Variants in NRXN2 observed in about 807,000 individuals in gnomAD.
NRXN2 encodes neurexin-2-beta.
NRXN2 carries 29 observed loss-of-function variants against 128.8 expected under a neutral mutation model. That is an observed-to-expected ratio of 0.23 (90% CI 0.17 to 0.31). The LOEUF (loss-of-function observed/expected upper bound fraction) is 0.31, where lower values mean the gene tolerates loss of function less well. Ranked by LOEUF, NRXN2 falls within the 10% of genes least tolerant of loss-of-function variation. The pLI is 1.00. For synonymous variants in NRXN2, 1,098 were observed against 1,075.2 expected (o/e 1.02, Z -0.41); for missense variants, 1,881 against 2,452.6 (o/e 0.77, Z 4.92).
At chr11:64,672,768 G>C (rs1375301781) in intron 7 of NRXN2, among the ~76,000 whole-genome samples, 1 of 152,100 alleles carries the variant, frequency 6.6e-6, no homozygotes, top group African/African-American at 2.4e-5. Flanking sequence ...TCCTGCTAAG[G>C]GTTTGGGTTA....
intron 21 of NRXN2, among the ~76,000 whole-genome samples, chr11:64,621,353 G>A (rs1166997230): frequency 1.3e-5 from 2 of 152,064 alleles, no homozygotes; most frequent in African/African-American, 2.4e-5. Context: ...ACAGCCCCTC[G>A]TCCCCTATGA....
In NRXN2 at chr11:64,607,003, C is replaced by CCGCGCAGTGGACGGCA; in HGVS notation, c.*177_*192dup. The CCGCGCAGTGGACGGCA allele has an allele frequency of 1.6e-6, 1 of 623,874 alleles. No homozygotes were observed. Among genetic ancestry groups the CCGCGCAGTGGACGGCA allele is most frequent in the African/African-American group, 1.8e-5 (1 of 54,342 alleles). The allele number at this position is 623,874 out of a possible 1,614,324, so 38.6% of individuals were successfully genotyped here. A position where few individuals can be genotyped will look rare whatever the true frequency, so the allele number is the denominator to read the frequency against. ...ACAGTCAGCCCCGGGACTGACGAGG[C>CCGCGCAGTGGACGGCA]CGCGCAGTGGACGGCAGGAGGAAGG... On this transcript the variant is annotated 3_prime_UTR_variant, in exon 23 of 23. Transcript: ENST00000265459.
chr11:64,621,770 G>A (rs1035889698), intron 21 of NRXN2, among the ~76,000 whole-genome samples: 26 of 152,214 alleles, frequency 1.7e-4, no homozygotes, highest in African/African-American at 6.0e-4. Flanking sequence ...TTCATGCCAG[G>A]TGTGAGCCCT....
intron 17 of NRXN2, among the ~76,000 whole-genome samples, chr11:64,643,887 A>C (rs111657360): frequency 1.0e-5 from 1 of 99,328 alleles, no homozygotes; most frequent in African/African-American, 3.7e-5. Context: ...CCCCACCCGG[A>C]TGAACCCCAA....
At chr11:64,650,968 C>T (rs941963305) in intron 14 of NRXN2, among the ~76,000 whole-genome samples, 13 of 152,002 alleles carry the variant, frequency 8.6e-5, no homozygotes, top group Admixed American at 2.6e-4. Flanking sequence ...CCTAAGGCAA[C>T]GGAGGGGCAA....
At chr11:64,618,642 C>T (rs2041882133) in intron 22 of NRXN2, among the ~76,000 whole-genome samples, 1 of 152,142 alleles carries the variant, frequency 6.6e-6, no homozygotes, top group African/African-American at 2.4e-5. Flanking sequence ...ATGCCCAGAG[C>T]CCCCCAAAGC....
intron 18 of NRXN2, among the ~76,000 whole-genome samples, chr11:64,633,724 C>T (rs1015819756): frequency 1.3e-5 from 2 of 152,130 alleles, no homozygotes; most frequent in African/African-American, 4.8e-5. Context: ...CTGTCACAGC[C>T]GTCACTCCTG....
rs950020973 is a variant in NRXN2, at chr11:64,658,093, G to C, written c.2389+2239C>G. 3.9e-5 allele frequency among the ~76,000 whole-genome samples: 6 copies of C among 152,280 alleles called. No individual in the cohort carries two copies. In the South Asian group the frequency reaches 1.2e-3, roughly 32 times the overall value. ...TTCCTGACCAAGGACATTGTTTCCT[G>C]TCTAATCTTAAGAGACACAATCTTC... On this transcript the variant is annotated intron_variant, in intron 11 of 22. Coordinates refer to ENST00000265459, the MANE Select transcript of NRXN2 (RefSeq NM_015080.4).
At chr11:64,611,000 G>C (rs1048859940) in intron 22 of NRXN2, among the ~76,000 whole-genome samples, 6 of 152,192 alleles carry the variant, frequency 3.9e-5, no homozygotes. Context: ...TCCCTGCCTT[G>C]AGTGTCTCTG....
Position 64,688,255 on chromosome 11 carries a change from C to A in NRXN2, c.850+2150G>T, listed in dbSNP as rs554455566. ...GGGGTGGGTGGCAAAGCTAGCTACTCTGGAGCCTGCGCCTCCACGGGCTCC... is the reference window on the plus strand; with the variant it reads ...GGGGTGGGTGGCAAAGCTAGCTACTATGGAGCCTGCGCCTCCACGGGCTCC... On this transcript the variant is annotated intron_variant, in intron 5 of 22. Coordinates refer to ENST00000265459, the MANE Select transcript of NRXN2 (RefSeq NM_015080.4). The A allele has an allele frequency of 1.4e-4, 140 of 980,538 alleles. No homozygotes were observed. The African/African-American group carries it at 2.2e-3, about 15-fold the overall frequency. The allele number at this position is 980,538 out of a possible 1,614,324, so 60.7% of individuals were successfully genotyped here.
At chr11:64,676,765 G>A (rs926480674) in intron 7 of NRXN2, 4 of 594,950 alleles carry the variant, frequency 6.7e-6, no homozygotes, top group Admixed American at 2.9e-5. Flanking sequence ...CAAATTCCTC[G>A]ATTTCCATTT....
At chr11:64,665,456 G>C (rs1343200888) in intron 9 of NRXN2, among the ~76,000 whole-genome samples, 2 of 152,212 alleles carry the variant, frequency 1.3e-5, no homozygotes. Context: ...GCCCTGCAAG[G>C]CTTGGGCAGA....
chr11:64,682,054 G>A (rs1216323012), intron 6 of NRXN2, among the ~76,000 whole-genome samples: 1 of 151,656 alleles, frequency 6.6e-6, no homozygotes, highest in African/African-American at 2.4e-5. Flanking sequence ...TCCATCTTTG[G>A]GGGGCTACAC....
intron 3 of NRXN2, among the ~76,000 whole-genome samples, chr11:64,697,565 A>G (rs1309396186): frequency 6.6e-6 from 1 of 152,078 alleles, no homozygotes; most frequent in East Asian, 1.9e-4. Context: ...AAGGAAGAAG[A>G]AAGGCCAGTC....
chr11:64,622,840 G>A lies in NRXN2; in HGVS notation c.4086C>T (p.Ala1362=). 1 of 1,612,674 alleles carries A rather than the reference G, an allele frequency of 6.2e-7. No homozygotes were observed. The highest frequency in any genetic ancestry group is 8.5e-7 in the Non-Finnish European group (1 of 1,179,930). Reference sequence around the variant, plus strand: ...TGGTGGTAGTCTCCATGATGGTGGTGGCCATGTCAGCCAGCAGGGTGGTGG... The same window carrying A: ...TGGTGGTAGTCTCCATGATGGTGGTAGCCATGTCAGCCAGCAGGGTGGTGG... ...TTATTLLADM[A]TTIMETTTTM... Residue 1362 remains alanine (A), a synonymous_variant, in exon 21 of 23, where the codon GCC becomes GCT. Transcript: ENST00000265459. The surrounding 1 kb of genome is among the most constrained non-coding windows in gnomAD (Gnocchi z 4.3).
chr11:64,650,681 G>T, intron 14 of NRXN2, 43 bp from the exon 15 acceptor site: 1 of 1,589,656 alleles, frequency 6.3e-7, no homozygotes. Flanking sequence ...GGGCGGGGGT[G>T]ATGCTGGGAA....
chr11:64,621,070 G>C (rs1391404255), intron 21 of NRXN2, among the ~76,000 whole-genome samples: 1 of 152,048 alleles, frequency 6.6e-6, no homozygotes, highest in East Asian at 1.9e-4. Flanking sequence ...GAGAAACTGC[G>C]GGAAGGTGAG....
At chr11:64,702,420 G>A (rs1471063179) in intron 2 of NRXN2, among the ~76,000 whole-genome samples, 3 of 151,912 alleles carry the variant, frequency 2.0e-5, no homozygotes, top group Non-Finnish European at 4.4e-5. Flanking sequence ...GTAGAAAGAG[G>A]TAGACATGGG....
At chr11:64,675,566 T>C (rs2051194085) in intron 7 of NRXN2, 1 of 152,246 alleles carries the variant, frequency 6.6e-6, no homozygotes, top group Admixed American at 6.5e-5. Context: ...CTCTGCATTA[T>C]TAATAGGCGA....
Sources: gnomAD v4.1 joint callset for allele counts (sites outside exome capture counted in the v4.1 genomes callset) on GRCh38, gnomAD v4.1.1 for gene constraint, Gnocchi (gnomAD v3.1) non-coding constraint, MANE v1.5 for transcripts, NCBI Gene and HGNC (gene_info 2026-07-23, HGNC 2026-07-21) for gene names.